CDH20: variants seen among roughly 807,000 people sequenced by gnomAD.
CDH20 encodes the protein cadherin-20.
In CDH20, 29 loss-of-function variants were observed where a neutral mutation model predicts 74.2. The observed-to-expected ratio is 0.39, with a 90% CI of 0.29 to 0.53. The LOEUF (loss-of-function observed/expected upper bound fraction) is 0.53. CDH20 is among the 20% of genes least tolerant of loss of function. The pLI, the probability that CDH20 is intolerant of heterozygous loss-of-function variation, is 0.69. For missense variants in CDH20, 988 were observed against 1,048.3 expected (o/e 0.94, Z 0.79); for synonymous variants, 469 against 405.4 (o/e 1.16, Z -1.88).
At chr18:61,501,553 G>A (rs1425903045) in intron 4 of CDH20, among the ~76,000 whole-genome samples, 1 of 152,022 alleles carries the variant, frequency 6.6e-6, no homozygotes, top group African/African-American at 2.4e-5. Flanking sequence ...TAAAGTTAAT[G>A]GTGAACACTC....
intron 1 of CDH20, among the ~76,000 whole-genome samples, chr18:61,441,290 T>C (rs1180560336): frequency 1.3e-5 from 2 of 152,212 alleles, no homozygotes; most frequent in Non-Finnish European, 2.9e-5. Context: ...TCCAATCTAC[T>C]CAGTGGTGGT....
At chr18:61,514,996 G>A (rs2144344958) in intron 6 of CDH20, among the ~76,000 whole-genome samples, 1 of 152,004 alleles carries the variant, frequency 6.6e-6, no homozygotes, top group East Asian at 2.0e-4. Context: ...TACAGAGGCA[G>A]GCAGGCCTCC....
chr18:61,505,938 C>A (rs553240329), intron 5 of CDH20, among the ~76,000 whole-genome samples: 1 of 152,270 alleles, frequency 6.6e-6, no homozygotes, highest in East Asian at 1.9e-4. Flanking sequence ...CTTGGCTATA[C>A]TCTTATGCCT....
intron 4 of CDH20, 107 bp from the exon 5 acceptor site, chr18:61,502,846 C>A: frequency 1.2e-6 from 1 of 847,348 alleles, no homozygotes; most frequent in Non-Finnish European, 1.8e-6. Flanking sequence ...TGACTTGCAC[C>A]TCACTTCTAG....
Position 61,333,474 on chromosome 18 carries a change from C to G in CDH20, c.-506C>G, listed in dbSNP as rs1909635051. Reference sequence around the variant, plus strand: ...GGCGCGAGGGAGGGGAAGCGGACCGCGCGCCACGCTCGGGGGACGGTGACC... The same window carrying G: ...GGCGCGAGGGAGGGGAAGCGGACCGGGCGCCACGCTCGGGGGACGGTGACC... On this transcript the variant is annotated 5_prime_UTR_variant, in exon 1 of 12. Transcript: ENST00000262717. The G allele has an allele frequency of 2.0e-5, 3 of 152,370 alleles. 1 individual carries two copies. In the South Asian group the frequency reaches 6.2e-4, roughly 32 times the overall value. The allele number at this position is 152,370 out of a possible 1,614,324, so 9.4% of individuals were successfully genotyped here.
At chr18:61,468,887 T>C (rs1910060817) in intron 1 of CDH20, among the ~76,000 whole-genome samples, 1 of 152,218 alleles carries the variant, frequency 6.6e-6, no homozygotes, top group African/African-American at 2.4e-5. Context: ...TTCTTTATTA[T>C]GAATTTGTTT....
chr18:61,503,178 A>G (rs1911446143), intron 5 of CDH20, 58 bp downstream of exon 5: 1 of 1,366,562 alleles, frequency 7.3e-7, no homozygotes, highest in African/African-American at 1.5e-5. Context: ...CACCCGTTGC[A>G]GAGGTGCGGG....
At chr18:61,470,800 T>C (rs1466573235) in intron 1 of CDH20, among the ~76,000 whole-genome samples, 5 of 152,186 alleles carry the variant, frequency 3.3e-5, no homozygotes, top group African/African-American at 1.2e-4. Context: ...GAGGTTTCTA[T>C]AATGATACTG....
chr18:61,550,271 T>A (rs10439060), intron 11 of CDH20, 42 bp downstream of exon 11: 310,665 of 1,590,130 alleles, frequency 0.2, 34,689 homozygotes, highest in East Asian at 0.53. Flanking sequence ...GTCCTGCCAG[T>A]GCGCACTCAG....
intron 1 of CDH20, among the ~76,000 whole-genome samples, chr18:61,350,270 C>T (rs1433431478): frequency 6.6e-6 from 1 of 152,100 alleles, no homozygotes; most frequent in Non-Finnish European, 1.5e-5. Flanking sequence ...TGTTCTGGCC[C>T]TCATCATTTT....
intron 1 of CDH20, among the ~76,000 whole-genome samples, chr18:61,412,103 ATT>A (rs1166264304): frequency 6.6e-6 from 1 of 152,096 alleles, no homozygotes; most frequent in Non-Finnish European, 1.5e-5. Flanking sequence ...TACATGATGG[ATT>A]GAAAGAACAC....
chr18:61,537,612 A>G lies in CDH20; in HGVS notation c.1408+983A>G, dbSNP rs72995646. ...AACTTCTGTGTCAGGGGGAGGGTGT[A>G]TAACTCCAATTTTAGACACCCATGT... On this transcript the variant is annotated intron_variant, in intron 8 of 11. Transcript: ENST00000262717. 7.3e-3 allele frequency among the ~76,000 whole-genome samples: 1,104 copies of G among 152,250 alleles called. 6 individuals are homozygous for G. Among genetic ancestry groups the G allele is most frequent in the Middle Eastern group, 0.014 (4 of 294 alleles).
At chr18:61,531,176 CA>C (rs1408495919) in intron 7 of CDH20, among the ~76,000 whole-genome samples, 1 of 152,234 alleles carries the variant, frequency 6.6e-6, no homozygotes, top group Admixed American at 6.5e-5. Context: ...TTGGGGAAAT[CA>C]GAGAGGGATT....
intron 6 of CDH20, among the ~76,000 whole-genome samples, chr18:61,514,044 C>T (rs1199880523): frequency 2.0e-5 from 3 of 152,098 alleles, no homozygotes; most frequent in African/African-American, 4.8e-5. Flanking sequence ...TGAACATTGG[C>T]CTGCCTTGCT....
chr18:61,441,632 C>T (rs572516399), intron 1 of CDH20, among the ~76,000 whole-genome samples: 1 of 152,258 alleles, frequency 6.6e-6, no homozygotes, highest in Non-Finnish European at 1.5e-5. Context: ...ATAGGGGCCC[C>T]ATACCTTTGC....
At chr18:61,407,505 G>A (rs1384382866) in intron 1 of CDH20, among the ~76,000 whole-genome samples, 1 of 152,240 alleles carries the variant, frequency 6.6e-6, no homozygotes, top group Non-Finnish European at 1.5e-5. Context: ...CTTACAAAAG[G>A]CATGAATTAA....
chr18:61,425,482 A>T (rs571880264), intron 1 of CDH20, among the ~76,000 whole-genome samples: 1 of 152,184 alleles, frequency 6.6e-6, no homozygotes, highest in Non-Finnish European at 1.5e-5. Flanking sequence ...TACCAAGGTA[A>T]CCATAGCAAA....
At chr18:61,426,432 G>A (rs1185598469) in intron 1 of CDH20, among the ~76,000 whole-genome samples, 1 of 152,150 alleles carries the variant, frequency 6.6e-6, no homozygotes, top group African/African-American at 2.4e-5. Flanking sequence ...GGAGGAAAAT[G>A]GCATTTTTAA....
intron 1 of CDH20, among the ~76,000 whole-genome samples, chr18:61,371,873 A>G (rs557953417): frequency 1.3e-5 from 2 of 152,202 alleles, no homozygotes; most frequent in East Asian, 3.9e-4. Flanking sequence ...GAGGACTGCT[A>G]GGTAGCAGGT....
Sources: gnomAD v4.1 joint callset for allele counts (sites outside exome capture counted in the v4.1 genomes callset) on GRCh38, gnomAD v4.1.1 for gene constraint, MANE v1.5 for transcripts, NCBI Gene and HGNC (gene_info 2026-07-23, HGNC 2026-07-21) for gene names.